C10orf90: variants seen among roughly 807,000 people sequenced by gnomAD.
C10orf90 encodes chromosome 10 open reading frame 90, also known as (E2-independent) E3 ubiquitin-conjugating enzyme FATS.
A neutral mutation model predicts 62.5 loss-of-function variants in C10orf90; 56 were observed. The ratio of observed to expected loss-of-function variants is 0.90; its 90% CI spans 0.72 to 1.12. The LOEUF is 1.12. C10orf90 is among the 50% of genes most tolerant of loss of function. The pLI is 0.00. For synonymous variants in C10orf90, 386 were observed against 340.4 expected (o/e 1.13, Z -1.47); for missense variants, 970 against 880.4 (o/e 1.10, Z -1.29).
chr10:126,664,921 G>A (rs1846595713), intron 1 of C10orf90, among the ~76,000 whole-genome samples: 3 of 152,136 alleles, frequency 2.0e-5, no homozygotes, highest in African/African-American at 7.2e-5. Context: ...ATGGCGACAG[G>A]GCAGCATTGA....
Position 126,662,667 on chromosome 10 carries a change from GC to G in C10orf90, c.240+7573del, listed in dbSNP as rs780940308. On this transcript the variant is annotated intron_variant, in intron 1 of 9. Transcript: ENST00000488181. ...GCCTATACTCTCTCTGTCCCCCCACGCCTGGAAACCTCCCACTCTTCCATAA... is the reference window on the plus strand; with the variant it reads ...GCCTATACTCTCTCTGTCCCCCCACGCTGGAAACCTCCCACTCTTCCATAA... Among the ~76,000 whole-genome samples the G allele has an allele frequency of 3.3e-5, 5 of 152,104 alleles. No individual in the cohort carries two copies. The South Asian group carries it at 6.2e-4, about 19-fold the overall frequency.
At chr10:126,566,200 T>C (rs1459422199) in intron 2 of C10orf90, among the ~76,000 whole-genome samples, 2 of 152,204 alleles carry the variant, frequency 1.3e-5, no homozygotes, top group Non-Finnish European at 2.9e-5. Context: ...TTCACGATCA[T>C]GATACTTACA....
chr10:126,523,891 T>C (rs1863854177), intron 2 of C10orf90, among the ~76,000 whole-genome samples: 1 of 152,236 alleles, frequency 6.6e-6, no homozygotes, highest in Admixed American at 6.5e-5. Context: ...TGTTGTAGCA[T>C]GTGTCAGAAT....
chr10:126,505,131 T>A, intron 3 of C10orf90, 46 bp from the exon 4 acceptor site: 1 of 1,545,930 alleles, frequency 6.5e-7, no homozygotes, highest in Non-Finnish European at 8.7e-7. Flanking sequence ...TCTATTGAAA[T>A]ATAGACAGTA....
intron 2 of C10orf90, among the ~76,000 whole-genome samples, chr10:126,552,647 G>A (rs974047527): frequency 6.6e-6 from 1 of 152,212 alleles, no homozygotes; most frequent in Admixed American, 6.5e-5. Flanking sequence ...GGCTCAGTGG[G>A]CATTTCCTTT....
At chr10:126,439,347 G>A (rs968171670) in intron 7 of C10orf90, among the ~76,000 whole-genome samples, 1 of 152,114 alleles carries the variant, frequency 6.6e-6, no homozygotes, top group Non-Finnish European at 1.5e-5. Context: ...CTTAAAAGCT[G>A]GAAGAGGTGA....
intron 1 of C10orf90, among the ~76,000 whole-genome samples, chr10:126,660,058 C>G (rs1234986095): frequency 6.6e-6 from 1 of 152,196 alleles, no homozygotes; most frequent in Non-Finnish European, 1.5e-5. Context: ...CCCAAGGGCT[C>G]CTTCTATTTC....
At chr10:126,491,641 G>A (rs549512722) in intron 4 of C10orf90, among the ~76,000 whole-genome samples, 5 of 152,282 alleles carry the variant, frequency 3.3e-5, no homozygotes, top group Admixed American at 6.5e-5. Context: ...CTTCAAATCC[G>A]CAGACGGAAA....
intron 2 of C10orf90, among the ~76,000 whole-genome samples, chr10:126,543,628 G>T (rs1462675651): frequency 6.6e-6 from 1 of 152,168 alleles, no homozygotes; most frequent in African/African-American, 2.4e-5. Context: ...ATGGCTCATG[G>T]TGGAGACAAA....
intron 2 of C10orf90, among the ~76,000 whole-genome samples, chr10:126,576,728 A>ATT (rs1564879177): frequency 2.7e-5 from 1 of 36,926 alleles, no homozygotes; most frequent in Non-Finnish European, 5.5e-5. Flanking sequence ...AGATATACAT[A>ATT]TATATGTATA....
intron 2 of C10orf90, among the ~76,000 whole-genome samples, chr10:126,613,324 T>C (rs369532293): frequency 3.3e-5 from 5 of 152,186 alleles, no homozygotes; most frequent in African/African-American, 1.2e-4. Flanking sequence ...AGGCTTGACC[T>C]CCTGGCATCA....
intron 7 of C10orf90, among the ~76,000 whole-genome samples, chr10:126,442,497 A>G (rs1467344970): frequency 9.1e-6 from 1 of 110,454 alleles, no homozygotes; most frequent in African/African-American, 3.7e-5. Context: ...ATATATATAT[A>G]TATATATATA....
At chr10:126,517,813 G>A (rs1280408911) in intron 2 of C10orf90, among the ~76,000 whole-genome samples, 1 of 150,832 alleles carries the variant, frequency 6.6e-6, no homozygotes, top group African/African-American at 2.4e-5. Context: ...AGGAGGCTGA[G>A]GCAGGAGAAT....
intron 2 of C10orf90, among the ~76,000 whole-genome samples, chr10:126,603,511 T>C (rs1845242836): frequency 6.6e-6 from 1 of 152,194 alleles, no homozygotes; most frequent in Non-Finnish European, 1.5e-5. Flanking sequence ...CATATCATCA[T>C]GCATGTCATC....
At chr10:126,533,096 C>T (rs566074892) in intron 2 of C10orf90, among the ~76,000 whole-genome samples, 1 of 151,492 alleles carries the variant, frequency 6.6e-6, no homozygotes, top group South Asian at 2.1e-4. Context: ...CCACGCCCGG[C>T]TAATGTTTTT....
At chr10:126,602,925 T>C (rs1845227554) in intron 2 of C10orf90, among the ~76,000 whole-genome samples, 1 of 151,914 alleles carries the variant, frequency 6.6e-6, no homozygotes. Context: ...ATGCAGCACC[T>C]GCAGATTGGC....
chr10:126,578,488 G>A (rs1254713901), intron 2 of C10orf90, among the ~76,000 whole-genome samples: 3 of 152,174 alleles, frequency 2.0e-5, no homozygotes, highest in African/African-American at 7.2e-5. Flanking sequence ...AATGCCAAGT[G>A]TTAGCAAGGA....
chr10:126,490,058 T>TATATAATATAATA (rs1861669630), intron 4 of C10orf90, among the ~76,000 whole-genome samples: 1 of 103,112 alleles, frequency 9.7e-6, no homozygotes, highest in African/African-American at 3.7e-5. Flanking sequence ...TATTATGTTA[T>TATATAATATAATA]ATAATATATA....
chr10:126,617,668 C>A (rs1030274756), intron 2 of C10orf90, among the ~76,000 whole-genome samples: 54 of 152,356 alleles, frequency 3.5e-4, no homozygotes, highest in African/African-American at 1.3e-3. Flanking sequence ...CTTCCAAGGT[C>A]TTTGCTAGGG....
Sources: gnomAD v4.1 joint callset for allele counts (sites outside exome capture counted in the v4.1 genomes callset) on GRCh38, gnomAD v4.1.1 for gene constraint, MANE v1.5 for transcripts, NCBI Gene and HGNC (gene_info 2026-07-23, HGNC 2026-07-21) for gene names.